CCNY: variants seen among roughly 807,000 people sequenced by gnomAD.
The protein encoded by CCNY is cyclin-Y.
In CCNY, 19 loss-of-function variants were observed where a neutral mutation model predicts 42.8. The ratio of observed to expected loss-of-function variants is 0.44; its 90% confidence interval spans 0.31 to 0.65. CCNY has a LOEUF of 0.65. CCNY is among the 30% of genes least tolerant of loss of function. CCNY has a pLI of 0.07. For synonymous variants in CCNY, 165 were observed against 162.7 expected, an observed-to-expected ratio of 1.01 and a Z score of -0.11; for missense variants, 370 against 437.3, an observed-to-expected ratio of 0.85 and a Z score of 1.37.
upstream of CCNY, among the ~76,000 whole-genome samples, chr10:35,334,980 C>T (rs1323345987): frequency 6.6e-6 from 1 of 151,918 alleles, no homozygotes; most frequent in African/African-American, 2.4e-5. Context: ...CCTCAGTTTC[C>T]TCATATATAA....
chr10:35,534,709 A>G (rs1400331868), intron 7 of CCNY, among the ~76,000 whole-genome samples: 2 of 152,072 alleles, frequency 1.3e-5, no homozygotes, highest in Non-Finnish European at 2.9e-5. Flanking sequence ...CCTTCACCCC[A>G]TAGAGAAACC....
intron 1 of CCNY, among the ~76,000 whole-genome samples, chr10:35,428,578 G>T (rs978448813): frequency 1.3e-5 from 2 of 152,128 alleles, no homozygotes; most frequent in Non-Finnish European, 2.9e-5. Flanking sequence ...GCCATTGAAG[G>T]GGTTTAAGCA....
intron 3 of CCNY, among the ~76,000 whole-genome samples, chr10:35,317,936 T>C (rs1490905134): frequency 1.3e-5 from 2 of 152,182 alleles, no homozygotes. Context: ...AGTGCTATCT[T>C]ACATAGTTCC....
At chr10:35,437,468 A>G (rs954967296) in intron 1 of CCNY, among the ~76,000 whole-genome samples, 1 of 152,172 alleles carries the variant, frequency 6.6e-6, no homozygotes, top group Non-Finnish European at 1.5e-5. Flanking sequence ...CAGCTGGGTA[A>G]CATGGCAAAA....
intron 7 of CCNY, among the ~76,000 whole-genome samples, chr10:35,532,868 A>T (rs958588054): frequency 1.2e-4 from 19 of 152,210 alleles, no homozygotes; most frequent in Non-Finnish European, 1.6e-4. Flanking sequence ...GCCTGTCTGA[A>T]CTGGGATCTT....
chr10:35,473,955 G>A (rs1016008876), intron 1 of CCNY, among the ~76,000 whole-genome samples: 8 of 152,164 alleles, frequency 5.3e-5, no homozygotes, highest in African/African-American at 1.2e-4. Context: ...TGCGCGAGCC[G>A]AAGCAGGGCG....
At chr10:35,398,624 C>T (rs547212102) in intron 1 of CCNY, among the ~76,000 whole-genome samples, 1 of 152,230 alleles carries the variant, frequency 6.6e-6, no homozygotes, top group South Asian at 2.1e-4. Flanking sequence ...GTAATTCAAA[C>T]TCCTAAGGCT....
intron 3 of CCNY, among the ~76,000 whole-genome samples, chr10:35,266,355 C>T (rs1375264864): frequency 2.0e-5 from 3 of 150,958 alleles, no homozygotes; most frequent in African/African-American, 7.3e-5. Flanking sequence ...CAGCTTTGGC[C>T]TCCCAAAGTG....
intron 7 of CCNY, among the ~76,000 whole-genome samples, chr10:35,549,174 C>T (rs1022433303): frequency 1.3e-5 from 2 of 151,214 alleles, no homozygotes; most frequent in Admixed American, 6.6e-5. Flanking sequence ...CCTGCCCCTC[C>T]CCACCTCACC....
At chr10:35,376,683 A>G (rs1340636581) in intron 1 of CCNY, among the ~76,000 whole-genome samples, 1 of 152,230 alleles carries the variant, frequency 6.6e-6, no homozygotes, top group Non-Finnish European at 1.5e-5. Flanking sequence ...AGCATTTCAG[A>G]TGAGGGATGC....
At chr10:35,478,364 C>T (rs2135357908) in intron 1 of CCNY, among the ~76,000 whole-genome samples, 1 of 152,002 alleles carries the variant, frequency 6.6e-6, no homozygotes, top group East Asian at 1.9e-4. Flanking sequence ...AAGCTGGAGG[C>T]ATCACACTAC....
intron 1 of CCNY, among the ~76,000 whole-genome samples, chr10:35,375,330 T>A (rs192824091): frequency 8.8e-4 from 134 of 152,294 alleles, no homozygotes; most frequent in African/African-American, 2.8e-3. Context: ...AGGCCCTTCC[T>A]CCATCTTTAA....
intron 1 of CCNY, among the ~76,000 whole-genome samples, chr10:35,386,693 G>C (rs571441764): frequency 1.3e-5 from 2 of 152,210 alleles, no homozygotes; most frequent in African/African-American, 4.8e-5. Context: ...AAGGAAACTT[G>C]GAGGTTTTCT....
chr10:35,553,143 T>C lies in CCNY; in HGVS notation c.704T>C (p.Val235Ala). Residue 235 changes from valine (V) to alanine (A), a missense_variant, in exon 8 of 10, where the codon GTG (valine) becomes GCG (alanine). Val to Ala is a moderately conservative substitution (Grantham distance 64). Around this residue, in one of 2 missense-constraint regions of CCNY, gnomAD observed 234 missense variants for 313.1 expected, o/e 0.75. Transcript: ENST00000374704. ...KVWDDQAVWN[V>A]DYCQILKDIT... Reference sequence around the variant, plus strand: ...TGGGATGACCAGGCTGTATGGAATGTGGATTACTGCCAGATCCTGAAAGAC... The same window carrying C: ...TGGGATGACCAGGCTGTATGGAATGCGGATTACTGCCAGATCCTGAAAGAC... 1 of 1,614,166 alleles carries C rather than the reference T, an allele frequency of 6.2e-7. No homozygotes were observed. The highest frequency in any genetic ancestry group is 8.5e-7 in the Non-Finnish European group (1 of 1,180,030).
At chr10:35,497,164 A>G (rs528335555) in intron 2 of CCNY, among the ~76,000 whole-genome samples, 1 of 152,252 alleles carries the variant, frequency 6.6e-6, no homozygotes, top group African/African-American at 2.4e-5. Flanking sequence ...AAGAAGCAAA[A>G]CATAATTATT....
intron 3 of CCNY, among the ~76,000 whole-genome samples, chr10:35,272,984 T>C (rs1835192251): frequency 6.6e-6 from 1 of 152,062 alleles, no homozygotes; most frequent in African/African-American, 2.4e-5. Context: ...AGATGGTATG[T>C]CACTGTGGTT....
intron 1 of CCNY, among the ~76,000 whole-genome samples, chr10:35,462,543 T>C (rs1839177803): frequency 6.6e-6 from 1 of 152,206 alleles, no homozygotes; most frequent in African/African-American, 2.4e-5. Flanking sequence ...ACTCTGAACC[T>C]AACAGGAAGC....
At chr10:35,443,185 T>G (rs546840414) in intron 1 of CCNY, among the ~76,000 whole-genome samples, 12 of 152,348 alleles carry the variant, frequency 7.9e-5, no homozygotes, top group African/African-American at 2.2e-4. Flanking sequence ...AGAACATTTG[T>G]GTATACTACC....
chr10:35,262,492 G>A (rs1459863730), intron 3 of CCNY, among the ~76,000 whole-genome samples: 1 of 151,688 alleles, frequency 6.6e-6, no homozygotes, highest in African/African-American at 2.4e-5. Flanking sequence ...CCGAGTAGCT[G>A]GGACTACAGG....
Sources: allele counts gnomAD v4.1 joint callset (sites outside exome capture counted in the v4.1 genomes callset), GRCh38; gene constraint gnomAD v4.1.1; regional missense constraint gnomAD v4.1.1; transcripts MANE v1.5; gene names NCBI Gene and HGNC (gene_info 2026-07-23, HGNC 2026-07-21).